The following CCSER1 variants were observed in gnomAD, a reference collection of about 807,000 sequenced individuals.
The protein encoded by CCSER1 is coiled-coil serine rich protein 1.
Under a neutral mutation model 82.0 loss-of-function variants are expected in CCSER1, and 41 were observed. That is an observed-to-expected ratio of 0.50 (90% CI 0.39 to 0.65). The LOEUF (loss-of-function observed/expected upper bound fraction) is 0.65. CCSER1 is among the 30% of genes least tolerant of loss of function. The probability of loss-of-function intolerance (pLI) is 0.00; values close to 1 mark genes in which losing one functional copy is unlikely to be tolerated. For missense variants in CCSER1, 1,119 were observed against 1,064.2 expected (o/e 1.05, Z -0.72); for synonymous variants, 414 against 383.9 (o/e 1.08, Z -0.92).
intron 9 of CCSER1, among the ~76,000 whole-genome samples, chr4:90,951,513 T>C (rs980862948): frequency 2.0e-5 from 3 of 152,118 alleles, no homozygotes; most frequent in African/African-American, 4.8e-5. Context: ...AGGGGAGATA[T>C]TCTTCTTTAT....
At chr4:91,003,683 G>A (rs76914501) in intron 9 of CCSER1, among the ~76,000 whole-genome samples, 314 of 152,184 alleles carry the variant, frequency 2.1e-3, no homozygotes, top group Middle Eastern at 6.8e-3. Context: ...GTTCTTCCCC[G>A]GCCTGTGGAG....
intron 6 of CCSER1, among the ~76,000 whole-genome samples, chr4:90,652,521 A>G (rs1405977644): frequency 6.6e-6 from 1 of 152,198 alleles, no homozygotes; most frequent in East Asian, 1.9e-4. Context: ...GCTGAACTGA[A>G]GAAGCCTTAG....
intron 5 of CCSER1, among the ~76,000 whole-genome samples, chr4:90,504,296 G>A (rs1770373374): frequency 6.6e-6 from 1 of 152,038 alleles, no homozygotes; most frequent in African/African-American, 2.4e-5. Context: ...TTATAAGCCT[G>A]TTTGGCACTC....
intron 3 of CCSER1, among the ~76,000 whole-genome samples, chr4:90,380,201 G>A (rs1163879471): frequency 6.6e-6 from 1 of 152,126 alleles, no homozygotes; most frequent in Admixed American, 6.6e-5. Flanking sequence ...GTTGTGATAA[G>A]CATTGTGAAC....
intron 7 of CCSER1, among the ~76,000 whole-genome samples, chr4:90,773,400 T>C (rs1580401792): frequency 6.6e-6 from 1 of 152,222 alleles, no homozygotes; most frequent in South Asian, 2.1e-4. Context: ...TGAAGACTGC[T>C]AGGGAACCTT....
intron 8 of CCSER1, among the ~76,000 whole-genome samples, chr4:90,881,415 T>A (rs1721297643): frequency 6.6e-6 from 1 of 152,162 alleles, no homozygotes; most frequent in Non-Finnish European, 1.5e-5. Flanking sequence ...CCAAACAGAT[T>A]ACTTTGAGAT....
chr4:90,688,650 G>A (rs556475214), intron 6 of CCSER1, among the ~76,000 whole-genome samples: 3 of 152,074 alleles, frequency 2.0e-5, no homozygotes, highest in African/African-American at 7.2e-5. Flanking sequence ...TATGATGGTG[G>A]TTATGTGTCT....
chr4:90,959,784 CT>C (rs1360782670), intron 9 of CCSER1, among the ~76,000 whole-genome samples: 1 of 141,450 alleles, frequency 7.1e-6, no homozygotes, highest in Non-Finnish European at 1.5e-5. Context: ...AATTTGCCTT[CT>C]TTGCCTATCT....
intron 10 of CCSER1, among the ~76,000 whole-genome samples, chr4:91,456,116 C>A (rs900176543): frequency 1.3e-5 from 2 of 152,072 alleles, no homozygotes; most frequent in African/African-American, 4.8e-5. Context: ...GGTTAGAAGT[C>A]TGAGTTCCAG....
chr4:91,380,033 C>T (rs1229916331), intron 10 of CCSER1, among the ~76,000 whole-genome samples: 1 of 152,174 alleles, frequency 6.6e-6, no homozygotes, highest in Non-Finnish European at 1.5e-5. Flanking sequence ...GCAGGTTGTT[C>T]AGTTTCCGTG....
At chr4:90,306,337 G>A (rs1329630255) in intron 1 of CCSER1, among the ~76,000 whole-genome samples, 1 of 152,032 alleles carries the variant, frequency 6.6e-6, no homozygotes, top group Non-Finnish European at 1.5e-5. Flanking sequence ...TAAAAGAGTA[G>A]ATTTTAAGTG....
chr4:90,833,338 C>T (rs554057625), intron 8 of CCSER1, among the ~76,000 whole-genome samples: 2 of 152,278 alleles, frequency 1.3e-5, no homozygotes, highest in South Asian at 2.1e-4. Flanking sequence ...AAATGCCTCA[C>T]CTCTTAATAG....
At position 91,131,766 on chromosome 4, in the gene CCSER1, C is replaced by A. The variant is rs139973956; in HGVS notation, c.2217+45772C>A. Among the ~76,000 whole-genome samples, 21 of 152,062 alleles carry A rather than the reference C, an allele frequency of 1.4e-4. No homozygotes were observed. The East Asian group carries it at 3.7e-3, about 27-fold the overall frequency. Reference sequence around the variant, plus strand: ...TCTAGATGAAGAATCTATCAATACTCATTGGACTAGTCTTTCAACTTTTCT... The same window carrying A: ...TCTAGATGAAGAATCTATCAATACTAATTGGACTAGTCTTTCAACTTTTCT... On this transcript the variant is annotated intron_variant, in intron 10 of 10. Coordinates refer to ENST00000509176, the MANE Select transcript of CCSER1 (RefSeq NM_001145065.2).
chr4:90,721,402 C>T (rs549676528), intron 6 of CCSER1, among the ~76,000 whole-genome samples: 1 of 151,814 alleles, frequency 6.6e-6, no homozygotes, highest in South Asian at 2.1e-4. Flanking sequence ...GAGATTTATT[C>T]TGTTGAGATA....
At chr4:90,866,984 G>T (rs1047735992) in intron 8 of CCSER1, among the ~76,000 whole-genome samples, 2 of 152,068 alleles carry the variant, frequency 1.3e-5, no homozygotes, top group Admixed American at 1.3e-4. Context: ...ACCTCCTGTT[G>T]TGTGGCCCAG....
chr4:90,154,099 T>C (rs1727502669), intron 1 of CCSER1, among the ~76,000 whole-genome samples: 1 of 152,220 alleles, frequency 6.6e-6, no homozygotes, highest in Non-Finnish European at 1.5e-5. Context: ...TACATATGGC[T>C]AGCCAGTTTT....
At chr4:90,794,303 A>G (rs1185606236) in intron 7 of CCSER1, among the ~76,000 whole-genome samples, 3 of 152,096 alleles carry the variant, frequency 2.0e-5, no homozygotes, top group African/African-American at 7.2e-5. Flanking sequence ...TGAGTTTTAC[A>G]TTTAAGTCTT....
At chr4:90,890,466 G>A (rs772306993) in intron 8 of CCSER1, among the ~76,000 whole-genome samples, 8 of 152,080 alleles carry the variant, frequency 5.3e-5, no homozygotes, top group African/African-American at 1.7e-4. Flanking sequence ...AGCCAGTACC[G>A]GACTGTCTTT....
chr4:90,481,052 CT>C (rs1197734481), intron 5 of CCSER1, among the ~76,000 whole-genome samples: 5 of 151,936 alleles, frequency 3.3e-5, no homozygotes, highest in African/African-American at 1.2e-4. Flanking sequence ...CTTTTATTTC[CT>C]TGAGCAGTGG....
Sources: allele counts gnomAD v4.1 joint callset (sites outside exome capture counted in the v4.1 genomes callset), GRCh38; gene constraint gnomAD v4.1.1; transcripts MANE v1.5; gene names NCBI Gene and HGNC (gene_info 2026-07-23, HGNC 2026-07-21).